ANO10: variants seen among roughly 807,000 people sequenced by gnomAD.
ANO10 encodes anoctamin-10.
In ANO10, 77 loss-of-function variants were observed where a neutral mutation model predicts 74.7. The observed-to-expected ratio is 1.03, with a 90% CI of 0.86 to 1.25. The LOEUF (loss-of-function observed/expected upper bound fraction) is 1.25, where lower values mean the gene tolerates loss of function less well. ANO10 is among the 50% of genes most tolerant of loss of function. The pLI is 0.00. For synonymous variants in ANO10, 279 were observed against 284.9 expected (o/e 0.98, Z 0.21); for missense variants, 721 against 778.1 (o/e 0.93, Z 0.87).
chr3:43,432,259 T>C (rs1412089345), intron 12 of ANO10, among the ~76,000 whole-genome samples: 2 of 152,170 alleles, frequency 1.3e-5, no homozygotes, highest in African/African-American at 4.8e-5. Flanking sequence ...AGGATTTTAT[T>C]CATTCACTTC....
chr3:43,685,992 A>G (rs1330368646), intron 1 of ANO10, among the ~76,000 whole-genome samples: 2 of 152,104 alleles, frequency 1.3e-5, no homozygotes, highest in East Asian at 1.9e-4. Flanking sequence ...CCCACTGAAG[A>G]AGGTCTTTTA....
intron 1 of ANO10, among the ~76,000 whole-genome samples, chr3:43,665,423 G>C (rs1224837193): frequency 1.3e-5 from 2 of 152,108 alleles, no homozygotes; most frequent in Non-Finnish European, 2.9e-5. Context: ...ACCTAATGTA[G>C]GTGACAGGTT....
chr3:43,505,598 G>A (rs779973618), intron 11 of ANO10, among the ~76,000 whole-genome samples: 22 of 152,156 alleles, frequency 1.4e-4, no homozygotes, highest in Non-Finnish European at 1.6e-4. Flanking sequence ...TTCTTCACGT[G>A]CTCTTTCCAG....
At chr3:43,538,639 A>G (rs2078822732) in intron 11 of ANO10, among the ~76,000 whole-genome samples, 1 of 152,206 alleles carries the variant, frequency 6.6e-6, no homozygotes, top group Non-Finnish European at 1.5e-5. Context: ...GGTGGATTTG[A>G]GAACAATCAA....
At chr3:43,661,633 C>G (rs1396182511) in intron 1 of ANO10, among the ~76,000 whole-genome samples, 3 of 151,940 alleles carry the variant, frequency 2.0e-5, no homozygotes, top group African/African-American at 4.8e-5. Flanking sequence ...GAGTCAAGAC[C>G]CATAGGTGTG....
intron 1 of ANO10, among the ~76,000 whole-genome samples, chr3:43,615,948 C>T (rs950113789): frequency 2.6e-5 from 4 of 152,088 alleles, no homozygotes; most frequent in African/African-American, 7.2e-5. Context: ...CCACCGCGCC[C>T]GGCTACCAAA....
chr3:43,635,366 G>C (rs575857372), intron 1 of ANO10, among the ~76,000 whole-genome samples: 1 of 152,118 alleles, frequency 6.6e-6, no homozygotes, highest in Non-Finnish European at 1.5e-5. Context: ...TCAAGTCCTC[G>C]TTCATGTATC....
At chr3:43,496,214 A>G (rs1273391883) in intron 11 of ANO10, among the ~76,000 whole-genome samples, 1 of 152,156 alleles carries the variant, frequency 6.6e-6, no homozygotes, top group Non-Finnish European at 1.5e-5. Context: ...AACTCAAAAT[A>G]TCGGAAAACA....
At chr3:43,590,905 T>A (rs2081709284) in intron 4 of ANO10, among the ~76,000 whole-genome samples, 4 of 152,152 alleles carry the variant, frequency 2.6e-5, no homozygotes, top group Admixed American at 6.5e-5. Context: ...ATGGGGCTTG[T>A]AACTCAACTC....
At chr3:43,678,817 A>C (rs927972957) in intron 1 of ANO10, among the ~76,000 whole-genome samples, 1 of 152,224 alleles carries the variant, frequency 6.6e-6, no homozygotes, top group Non-Finnish European at 1.5e-5. Context: ...TGTATTTGTA[A>C]AATACTTTTC....
intron 12 of ANO10, among the ~76,000 whole-genome samples, chr3:43,402,565 C>T (rs988259901): frequency 6.6e-6 from 1 of 152,132 alleles, no homozygotes; most frequent in Non-Finnish European, 1.5e-5. Flanking sequence ...AGCCCTTACC[C>T]CTGTGTGCTG....
rs551652261 is a variant in ANO10 at position 43,662,178 on chromosome 3, T to C, written c.-12+29339A>G. On this transcript the variant is annotated intron_variant, in intron 1 of 3. Transcript: ENST00000413397. ...GAAGTAAAACACTCCTTAGCAAATG[T>C]AAAAGAACAGAAATCACAACAAAGT... is the stretch of plus-strand genomic sequence containing the variant. 3.3e-5 allele frequency among the ~76,000 whole-genome samples: 5 copies of C among 152,262 alleles called. No homozygotes were observed. The South Asian group carries it at 1.0e-3, about 32-fold the overall frequency.
intron 12 of ANO10, among the ~76,000 whole-genome samples, chr3:43,371,337 G>A (rs754956382): frequency 2.6e-5 from 4 of 152,094 alleles, no homozygotes; most frequent in Non-Finnish European, 5.9e-5. Context: ...GGCCACATAG[G>A]GTGTCTAGGA....
chr3:43,478,708 G>A (rs1438283375), intron 11 of ANO10, among the ~76,000 whole-genome samples: 1 of 152,194 alleles, frequency 6.6e-6, no homozygotes, highest in African/African-American at 2.4e-5. Flanking sequence ...ATTTGACACA[G>A]TACAATTTTT....
At chr3:43,404,894 A>AAAAC (rs1484386021) in intron 12 of ANO10, among the ~76,000 whole-genome samples, 5 of 150,326 alleles carry the variant, frequency 3.3e-5, no homozygotes, top group African/African-American at 1.2e-4. Context: ...AAAAAAAAAA[A>AAAAC]ACCACCAAAA....
intron 12 of ANO10, among the ~76,000 whole-genome samples, chr3:43,420,440 C>T (rs1257517089): frequency 6.6e-6 from 1 of 151,490 alleles, no homozygotes; most frequent in Non-Finnish European, 1.5e-5. Context: ...GCAACAGAGC[C>T]AGACCCTGTC....
upstream of ANO10, chr3:43,622,086 G>A: frequency 6.5e-6 from 1 of 152,884 alleles, no homozygotes; most frequent in Non-Finnish European, 1.5e-5. Context: ...GGGGGGCGGG[G>A]CCGCGGCGGG....
intron 11 of ANO10, among the ~76,000 whole-genome samples, chr3:43,454,499 C>T (rs1304629642): frequency 6.6e-6 from 1 of 151,534 alleles, no homozygotes; most frequent in Non-Finnish European, 1.5e-5. Flanking sequence ...GCAAGAAGCA[C>T]ACACAACAAA....
intron 11 of ANO10, among the ~76,000 whole-genome samples, chr3:43,486,754 G>T (rs559224955): frequency 6.6e-6 from 1 of 152,062 alleles, no homozygotes; most frequent in Non-Finnish European, 1.5e-5. Flanking sequence ...TGCAAACAGG[G>T]ACAATGTGAC....
Sources: allele counts gnomAD v4.1 joint callset (sites outside exome capture counted in the v4.1 genomes callset), GRCh38; gene constraint gnomAD v4.1.1; transcripts MANE v1.5; gene names NCBI Gene and HGNC (gene_info 2026-07-23, HGNC 2026-07-21).